SETD1A: variants seen among roughly 807,000 people sequenced by gnomAD.
SETD1A encodes the protein SET domain containing 1A, histone lysine methyltransferase.
Under a neutral mutation model 149.9 loss-of-function variants are expected in SETD1A, and 29 were observed. That is an observed-to-expected ratio of 0.19 (90% CI 0.14 to 0.26). The LOEUF (loss-of-function observed/expected upper bound fraction) is 0.26. SETD1A is among the 10% of genes least tolerant of loss of function. The pLI is 1.00. For missense variants in SETD1A, 2,109 were observed against 2,353.1 expected (o/e 0.90, Z 2.15); for synonymous variants, 1,141 against 968.5 (o/e 1.18, Z -3.31).
At position 30,965,677 on chromosome 16, in the gene SETD1A, C is replaced by T. The variant is rs759133316; in HGVS notation, c.1796C>T (p.Thr599Met). The change falls in exon 8 of 19, where the codon ACG becomes ATG. Residue 599 changes from threonine to methionine, a missense_variant. Around this residue, in one of 8 missense-constraint regions of SETD1A, gnomAD observed 431 missense variants for 388.6 expected, o/e 1.11. Coordinates refer to ENST00000262519, the MANE Select transcript of SETD1A (RefSeq NM_014712.3). ...DRGGSPPPAP[T>M]PPQQPPPPPP... ...GGTGGCTCACCCCCTCCGGCCCCGACGCCCCCTCAGCAGCCTCCGCCACCT... is the reference window on the plus strand; with the variant it reads ...GGTGGCTCACCCCCTCCGGCCCCGATGCCCCCTCAGCAGCCTCCGCCACCT... 3.1e-6 allele frequency: 5 copies of T among 1,606,188 alleles called. No individual in the cohort carries two copies. The highest frequency in any genetic ancestry group is 2.2e-5 in the South Asian group (2 of 90,562).
chr16:30,965,566 C>T, intron 7 of SETD1A, 35 bp from the exon 8 acceptor site: 8 of 1,604,824 alleles, frequency 5.0e-6, no homozygotes, highest in Non-Finnish European at 6.8e-6. Context: ...TTGGGTCAGG[C>T]AGAAGCCTTC....
chr16:30,961,668 C>A lies in SETD1A; in HGVS notation c.517+131C>A. On this transcript the variant is annotated intron_variant, in intron 4 of 18. Transcript: ENST00000262519. This position sits in a 1 kb window ranked among gnomAD's most constrained non-coding sequence, Gnocchi z 4.0. ...CTGGGGCCAGTTGTGTTTCTGAAAT[C>A]AGATCAGATTTTAGAGTGGAATTAT... 1.2e-6 allele frequency: 1 copy of A among 814,472 alleles called. No homozygotes were observed. The highest frequency in any genetic ancestry group is 1.9e-6 in the Non-Finnish European group (1 of 517,532). The allele number at this position is 814,472 out of a possible 1,614,324, so 50.5% of individuals were successfully genotyped here.
intron 3 of SETD1A, among the ~76,000 whole-genome samples, chr16:30,960,048 T>C: frequency 6.6e-6 from 1 of 152,216 alleles, no homozygotes; most frequent in Non-Finnish European, 1.5e-5. Flanking sequence ...TCTCCTTTTC[T>C]CTCTCAGTTG....
rs1195486479 is a variant in SETD1A, at chr16:30,969,333, G to C, written c.2799G>C (p.Glu933Asp). 3 of 1,614,046 alleles carry C rather than the reference G, an allele frequency of 1.9e-6. No individual in the cohort carries two copies. In the African/African-American group the frequency reaches 4.0e-5, roughly 22 times the overall value. ...CTGAACAAGAGAAGGAGGCTGGAGA[G>C]CCAGGACGTCCGGGGACCAAGCCCC... ...DDPEQEKEAG[E>D]PGRPGTKPPK... Residue 933 changes from glutamate (E) to aspartate (D), a missense_variant, in exon 11 of 19, where the codon GAG becomes GAC. This residue lies in a region of SETD1A where 832 missense variants were observed against 815.6 expected (regional missense o/e 1.02). Transcript: ENST00000262519.
At position 30,966,892 on chromosome 16, in the gene SETD1A, G is replaced by C; in HGVS notation, c.2514G>C (p.Gln838His). ...ESKEEKAKPF[Q>H]NAAKQQAKEE... ...CCCACTGCTGCCTGCAGCCATTCCA[G>C]AACGCGGCCAAGCAGCAAGCCAAGG... Residue 838 changes from glutamine to histidine, a missense_variant, in exon 9 of 19, where the codon CAG (glutamine) becomes CAC (histidine). Coordinates refer to ENST00000262519, the MANE Select transcript of SETD1A (RefSeq NM_014712.3). The C allele has an allele frequency of 6.4e-7, 1 of 1,557,278 alleles. No individual in the cohort carries two copies. Among genetic ancestry groups the C allele is most frequent in the South Asian group, 1.2e-5 (1 of 84,328 alleles).
At chr16:30,959,332 G>A in intron 3 of SETD1A, 146 bp downstream of exon 3, 1 of 669,292 alleles carries the variant, frequency 1.5e-6, no homozygotes, top group Middle Eastern at 2.6e-4. Context: ...CAGTTGTTTT[G>A]GATAGGAGGT....
rs756382016 is a variant in SETD1A, at chr16:30,979,916, C to T, written c.4130C>T (p.Ser1377Phe). Residue 1377 changes from serine (S) to phenylalanine (F), a missense_variant, in exon 14 of 19, where the codon TCT (serine) becomes TTT (phenylalanine). By Grantham distance (155) the Ser-to-Phe change is radical. Around this residue, in one of 8 missense-constraint regions of SETD1A, gnomAD observed 832 missense variants for 815.6 expected, o/e 1.02. Transcript: ENST00000262519. ...EEGEEEEEES[S>F]DSSSSSDGEG... ...GGGGAGGAAGAGGAGGAGGAGTCCT[C>T]TGACAGCAGCAGCAGCAGCGATGGG... is the stretch of plus-strand genomic sequence containing the variant. The T allele has an allele frequency of 3.9e-6, 6 of 1,534,252 alleles. No homozygotes were observed. The highest frequency in any genetic ancestry group is 5.2e-6 in the Non-Finnish European group (6 of 1,145,746).
In SETD1A at chr16:30,984,123, C is replaced by G; in HGVS notation, c.*100C>G. 8.8e-7 allele frequency: 1 copy of G among 1,132,478 alleles called. No homozygotes were observed. The highest frequency in any genetic ancestry group is 1.2e-6 in the Non-Finnish European group (1 of 818,770). The allele number at this position is 1,132,478 out of a possible 1,614,324, so 70.2% of individuals were successfully genotyped here. ...TAGTGGGCTCAGCAGGGCCCACATG[C>G]CCCCATCTCCAAGCGTGGGGTTGGG... is the stretch of plus-strand genomic sequence containing the variant. On this transcript the variant is annotated 3_prime_UTR_variant, in exon 19 of 19. Coordinates refer to ENST00000262519, the MANE Select transcript of SETD1A (RefSeq NM_014712.3).
rs900018065 is a variant in SETD1A, at chr16:30,957,874, C to A, written c.-106C>A. ...GAGCCTCCCAGGGCGCCGGCCGAGG[C>A]GAAGCCGCTACCCTCGGCCCCGTGG... On this transcript the variant is annotated 5_prime_UTR_variant, in exon 1 of 19. Coordinates refer to ENST00000262519, the MANE Select transcript of SETD1A (RefSeq NM_014712.3). The A allele has an allele frequency of 1.3e-5, 2 of 152,318 alleles. No individual in the cohort carries two copies. The highest frequency in any genetic ancestry group is 2.4e-5 in the African/African-American group (1 of 41,466). The allele number at this position is 152,318 out of a possible 1,614,324, so 9.4% of individuals were successfully genotyped here. A position where few individuals can be genotyped will look rare whatever the true frequency, so the allele number is the denominator to read the frequency against.
At position 30,980,969 on chromosome 16, in the gene SETD1A, C is replaced by G; in HGVS notation, c.4693-92C>G. The G allele has an allele frequency of 6.3e-7, 1 of 1,584,016 alleles. No individual in the cohort carries two copies. Among genetic ancestry groups the G allele is most frequent in the East Asian group, 2.2e-5 (1 of 44,590 alleles). On this transcript the variant is annotated intron_variant, in intron 16 of 18. Coordinates refer to ENST00000262519, the MANE Select transcript of SETD1A (RefSeq NM_014712.3). The surrounding 1 kb of genome is among the most constrained non-coding windows in gnomAD (Gnocchi z 7.7). ...CGGGTGGAGTTGGGGGGTAAGCAGC[C>G]AGAACACCCTCTGCCCAGGAAGTCT...
At position 30,979,983 on chromosome 16, in the gene SETD1A, G is replaced by GCGCCGC; in HGVS notation, c.4202_4207dup (p.Arg1401_Arg1402dup). ...GGCGCAGCCTCCGCTCCCACGCCCG[G>GCGCCGC]CGCCGCCGCCCTCCGCCCCCACCCC... is the stretch of plus-strand genomic sequence containing the variant. On this transcript the variant is annotated inframe_insertion, in exon 14 of 19. Transcript: ENST00000262519. 2 of 1,509,248 alleles carry GCGCCGC rather than the reference G, an allele frequency of 1.3e-6. No homozygotes were observed. Among genetic ancestry groups the GCGCCGC allele is most frequent in the Middle Eastern group, 2.4e-4 (1 of 4,232 alleles). 93.5% of individuals were successfully genotyped at this position (1,509,248 alleles called of 1,614,324 possible).
Position 30,969,477 on chromosome 16 carries a change from G to T in SETD1A, c.2928+15G>T. 2 of 1,601,964 alleles carry T rather than the reference G, an allele frequency of 1.2e-6. No individual in the cohort carries two copies. The highest frequency in any genetic ancestry group is 4.5e-5 in the East Asian group (2 of 44,382). ...CCTCGGAGAAGGTGAGGGCCCGGGCGCCGGCTCCTGGCCGAAGCCTACTTC... is the reference window on the plus strand; with the variant it reads ...CCTCGGAGAAGGTGAGGGCCCGGGCTCCGGCTCCTGGCCGAAGCCTACTTC... On this transcript the variant is annotated intron_variant, in intron 11 of 18. Transcript: ENST00000262519.
intron 10 of SETD1A, among the ~76,000 whole-genome samples, chr16:30,968,416 A>G (rs908607261): frequency 1.1e-3 from 29 of 25,432 alleles, no homozygotes; most frequent in South Asian, 5.7e-3. Flanking sequence ...AAAAAAAAAA[A>G]TACATATATA....
intron 13 of SETD1A, among the ~76,000 whole-genome samples, chr16:30,972,237 G>T (rs183617352): frequency 6.6e-6 from 1 of 152,160 alleles, no homozygotes; most frequent in Non-Finnish European, 1.5e-5. Context: ...AGTGCTCATC[G>T]CAGCCAAACA....
At position 30,984,043 on chromosome 16, in the gene SETD1A, C is replaced by T. The variant is rs761818114; in HGVS notation, c.*20C>T. On this transcript the variant is annotated 3_prime_UTR_variant, in exon 19 of 19. Transcript: ENST00000262519. ...AACTGAGGTGGGGCAGGATGGGTGC[C>T]CACACCCCTATTTATTCCCCCTGGT... is the stretch of plus-strand genomic sequence containing the variant. 126 of 1,603,020 alleles carry T rather than the reference C, an allele frequency of 7.9e-5. 1 individual carries two copies. The South Asian group carries it at 1.2e-3, about 15-fold the overall frequency.
rs2056151597 is a variant in SETD1A, at chr16:30,966,650, C to G, written c.2506-234C>G. On this transcript the variant is annotated intron_variant, in intron 8 of 18. Coordinates refer to ENST00000262519, the MANE Select transcript of SETD1A (RefSeq NM_014712.3). Reference sequence around the variant, plus strand: ...GACAAGGCCCTTAGCTCTCTTCAAGCTTTGGTCTTCCATTTTGCCACTTGT... The same window carrying G: ...GACAAGGCCCTTAGCTCTCTTCAAGGTTTGGTCTTCCATTTTGCCACTTGT... Among the ~76,000 whole-genome samples, 3 of 152,358 alleles carry G rather than the reference C, an allele frequency of 2.0e-5. No homozygotes were observed. In the South Asian group the frequency reaches 6.2e-4, roughly 32 times the overall value.
Position 30,979,215 on chromosome 16 carries a change from TG to T in SETD1A, c.3430del (p.Ala1144ProfsTer118). ...PEPPAGPPAP[A>X]PRPDERPSSP... The stretch of plus-strand genomic sequence containing the variant: ...AACCACCTGCTGGGCCCCCGGCCCC[TG>T]CCCCACGCCCCGATGAGCGTCCCTC... On this transcript the variant is annotated frameshift_variant, in exon 14 of 19. Transcript: ENST00000262519. LOFTEE classifies it high-confidence loss of function. The T allele has an allele frequency of 8.0e-7, 1 of 1,245,690 alleles. No individual in the cohort carries two copies. The highest frequency in any genetic ancestry group is 2.7e-5 in the Admixed American group (1 of 37,320). 77.2% of individuals were successfully genotyped at this position (1,245,690 alleles called of 1,614,324 possible).
At chr16:30,966,740 C>A in intron 8 of SETD1A, 144 bp from the exon 9 acceptor site, 1 of 938,662 alleles carries the variant, frequency 1.1e-6, no homozygotes, top group Non-Finnish European at 1.5e-6. Context: ...GAGAAAATGC[C>A]GTGCGGGGGC....
Position 30,979,208 on chromosome 16 carries a change from C to CG in SETD1A, c.3424dup (p.Ala1142GlyfsTer8). The CG allele has an allele frequency of 6.3e-7, 1 of 1,581,676 alleles. No individual in the cohort carries two copies. The highest frequency in any genetic ancestry group is 8.6e-7 in the Non-Finnish European group (1 of 1,161,646). Reference sequence around the variant, plus strand: ...CCCCCAGAACCACCTGCTGGGCCCCCGGCCCCTGCCCCACGCCCCGATGAG... The same window carrying CG: ...CCCCCAGAACCACCTGCTGGGCCCCCGGGCCCCTGCCCCACGCCCCGATGAG... On this transcript the variant is annotated frameshift_variant, in exon 14 of 19. Transcript: ENST00000262519. LOFTEE classifies it high-confidence loss of function.
Sources: allele counts gnomAD v4.1 joint callset (sites outside exome capture counted in the v4.1 genomes callset), GRCh38; gene constraint gnomAD v4.1.1; regional missense constraint gnomAD v4.1.1; non-coding constraint Gnocchi (gnomAD v3.1); transcripts MANE v1.5; gene names NCBI Gene and HGNC (gene_info 2026-07-23, HGNC 2026-07-21).